The following TXNL4A variants were observed in gnomAD, a reference collection of about 807,000 sequenced individuals.
The protein encoded by TXNL4A is thioredoxin like 4A, also known as thioredoxin-like protein 4A.
TXNL4A carries 17 observed loss-of-function variants against 14.6 expected under a neutral mutation model. The observed-to-expected ratio is 1.16, with a 90% CI of 0.80 to 1.74. TXNL4A has a LOEUF of 1.74. TXNL4A is among the 40% of genes most tolerant of loss of function. The pLI is 0.00. For synonymous variants in TXNL4A, 83 were observed against 70.6 expected, an observed-to-expected ratio of 1.18 and a Z score of -0.88; for missense variants, 74 against 195.2, an observed-to-expected ratio of 0.38 and a Z score of 3.70.
intron 1 of TXNL4A, among the ~76,000 whole-genome samples, chr18:79,999,908 C>T (rs2051688096): frequency 6.6e-6 from 1 of 151,972 alleles, no homozygotes; most frequent in Admixed American, 6.6e-5. Context: ...AAGGGGAAAC[C>T]CCTTTTGCTT....
chr18:80,033,627 G>C (rs367834333), intron 1 of TXNL4A, among the ~76,000 whole-genome samples: 158 of 152,354 alleles, frequency 1.0e-3, no homozygotes, highest in African/African-American at 3.6e-3. Flanking sequence ...CGATGCCTTC[G>C]TTGCTTTGTG....
intron 1 of TXNL4A, among the ~76,000 whole-genome samples, chr18:80,010,343 T>A (rs1212764647): frequency 2.0e-5 from 3 of 151,944 alleles, no homozygotes; most frequent in Non-Finnish European, 4.4e-5. Context: ...ACTCAGCTTG[T>A]CCCGGGACCT....
rs1305735825 is a variant in TXNL4A, at chr18:80,011,091, A to AC, written c.-61+22759dup. ...ATCCATGTGTGGTTTTATTTGCATT[A>AC]CCATTTGGTGCTTGTTAGCCCCTCG... On this transcript the variant is annotated intron_variant, in intron 1 of 2. Coordinates refer to the TXNL4A transcript ENST00000585474. This position sits in a 1 kb window ranked among gnomAD's most constrained non-coding sequence, Gnocchi z 4.1. Among the ~76,000 whole-genome samples the AC allele has an allele frequency of 6.6e-6, 1 of 152,034 alleles. No homozygotes were observed. Among genetic ancestry groups the AC allele is most frequent in the Non-Finnish European group, 1.5e-5 (1 of 68,004 alleles).
upstream of TXNL4A, among the ~76,000 whole-genome samples, chr18:79,992,582 C>T (rs535946595): frequency 8.7e-4 from 132 of 152,240 alleles, no homozygotes; most frequent in African/African-American, 3.0e-3. Context: ...AAACCTGCCT[C>T]CCCTTTTGGT....
intron 1 of TXNL4A, among the ~76,000 whole-genome samples, chr18:79,994,179 T>C (rs1273509503): frequency 2.0e-5 from 3 of 152,220 alleles, no homozygotes; most frequent in African/African-American, 4.8e-5. Flanking sequence ...TTTAACCAAG[T>C]GGACCACTAT....
chr18:80,005,786 T>C (rs1229288368), intron 1 of TXNL4A, among the ~76,000 whole-genome samples: 1 of 152,078 alleles, frequency 6.6e-6, no homozygotes, highest in Non-Finnish European at 1.5e-5. Context: ...TGATGGTGCA[T>C]GCCTGTAATC....
chr18:80,030,731 C>T (rs747873681), intron 1 of TXNL4A, among the ~76,000 whole-genome samples: 1 of 152,116 alleles, frequency 6.6e-6, no homozygotes, highest in African/African-American at 2.4e-5. Flanking sequence ...TTTAGGAGGC[C>T]GAGGTGGGTG....
upstream of TXNL4A, among the ~76,000 whole-genome samples, chr18:79,992,918 C>G (rs895059054): frequency 2.2e-5 from 3 of 139,414 alleles, no homozygotes; most frequent in African/African-American, 7.8e-5. Context: ...TTCACTGAAC[C>G]AAAGGCATGA....
rs149343819 is a variant in TXNL4A at position 80,020,822 on chromosome 18, T to G, written c.-61+13029A>C. Among the ~76,000 whole-genome samples, 230 of 152,338 alleles carry G rather than the reference T, an allele frequency of 1.5e-3. 1 individual carries two copies. Among genetic ancestry groups the G allele is most frequent in the African/African-American group, 5.4e-3 (223 of 41,582 alleles). The stretch of plus-strand genomic sequence containing the variant: ...ATGCCCAAAAATCCTCTTAGCTGTT[T>G]GAGTGTTCCAGGGAGGAGAAATGGG... On this transcript the variant is annotated intron_variant, in intron 1 of 2. Coordinates refer to the TXNL4A transcript ENST00000585474.
intron 1 of TXNL4A, among the ~76,000 whole-genome samples, chr18:79,980,823 C>T (rs913252636): frequency 5.3e-5 from 8 of 152,230 alleles, no homozygotes; most frequent in East Asian, 1.9e-4. Context: ...AGTGAGCACA[C>T]GGCCCACTGC....
rs571404153 is a variant in TXNL4A at position 80,014,592 on chromosome 18, T to C, written c.-61+19259A>G. ...CCCTGTGGCTTTGCAGGGTACAGCC[T>C]CCCTCCAGGCTGCTTTCATGGGCTG... On this transcript the variant is annotated intron_variant, in intron 1 of 2. Transcript: ENST00000585474. Among the ~76,000 whole-genome samples, 279 of 152,278 alleles carry C rather than the reference T, an allele frequency of 1.8e-3. 1 individual carries two copies. The highest frequency in any genetic ancestry group is 6.2e-3 in the African/African-American group (257 of 41,568).
chr18:80,024,643 G>A (rs547439274), intron 1 of TXNL4A, among the ~76,000 whole-genome samples: 13 of 152,326 alleles, frequency 8.5e-5, no homozygotes, highest in Middle Eastern at 3.4e-3. Flanking sequence ...ACCTGAGGGT[G>A]TCTGGGAGAA....
At position 80,026,077 on chromosome 18, in the gene TXNL4A, T is replaced by C. The variant is rs141813254; in HGVS notation, c.-61+7774A>G. On this transcript the variant is annotated intron_variant, in intron 1 of 2. Transcript: ENST00000585474. ...CAGCTGATTGCTTTGAAAATAAAAA[T>C]GATACATTATTAAAGGCAAATTTAT... Among the ~76,000 whole-genome samples the C allele has an allele frequency of 4.0e-3, 612 of 152,286 alleles. 3 individuals carry two copies. The highest frequency in any genetic ancestry group is 6.8e-3 in the Middle Eastern group (2 of 294).
Position 79,973,857 on chromosome 18 carries a change from C to T in TXNL4A, c.258-1G>A. ...CAAGTCAATCATGATGTGCTTGTTC[C>T]TGCAACGAGAAACAAGGGCATCCAT... On this transcript the variant is annotated splice_acceptor_variant, in intron 2 of 2. Transcript: ENST00000269601. LOFTEE classifies it high-confidence loss of function. The T allele has an allele frequency of 6.2e-7, 1 of 1,612,868 alleles. No individual in the cohort carries two copies. The highest frequency in any genetic ancestry group is 8.5e-7 in the Non-Finnish European group (1 of 1,179,574).
chr18:79,985,097 G>T (rs2145080771), intron 1 of TXNL4A, among the ~76,000 whole-genome samples: 1 of 151,216 alleles, frequency 6.6e-6, no homozygotes, highest in South Asian at 2.1e-4. Context: ...TAGCTCAAAG[G>T]TACATGAAAT....
intron 1 of TXNL4A, among the ~76,000 whole-genome samples, chr18:79,997,975 G>C (rs2051673570): frequency 1.3e-5 from 2 of 152,154 alleles, no homozygotes; most frequent in Admixed American, 6.5e-5. Context: ...AGAGGATTTT[G>C]GGTCCTGGCT....
chr18:80,001,443 C>G (rs2051697861), intron 1 of TXNL4A, among the ~76,000 whole-genome samples: 1 of 152,122 alleles, frequency 6.6e-6, no homozygotes. Context: ...AAGAGGGCCA[C>G]TGTCCTCCAA....
chr18:80,014,579 G>C (rs1224556182), intron 1 of TXNL4A, among the ~76,000 whole-genome samples: 1 of 152,178 alleles, frequency 6.6e-6, no homozygotes, highest in Admixed American at 6.5e-5. Context: ...CTGTGGCTTT[G>C]CAGGGTACAG....
rs914863473 is a variant in TXNL4A, at chr18:79,972,590, A to T, written c.*1095T>A. 6.6e-6 allele frequency: 1 copy of T among 152,274 alleles called. No homozygotes were observed. Among genetic ancestry groups the T allele is most frequent in the Non-Finnish European group, 1.5e-5 (1 of 68,146 alleles). The allele number at this position is 152,274 out of a possible 1,614,324, so 9.4% of individuals were successfully genotyped here. On this transcript the variant is annotated 3_prime_UTR_variant, in exon 3 of 3. Transcript: ENST00000269601. The stretch of plus-strand genomic sequence containing the variant: ...AGCAATTCTCCTGCCTCAGCCTTCC[A>T]AGTAGCTGGGATTACAGGCACGCGC...
Sources: gnomAD v4.1 joint callset for allele counts (sites outside exome capture counted in the v4.1 genomes callset) on GRCh38, gnomAD v4.1.1 for gene constraint, Gnocchi (gnomAD v3.1) non-coding constraint, MANE v1.5 for transcripts, NCBI Gene and HGNC (gene_info 2026-07-23, HGNC 2026-07-21) for gene names.